The following CD247 variants were observed in gnomAD, a reference collection of about 807,000 sequenced individuals.
CD247 encodes T-cell surface glycoprotein CD3 zeta chain.
A neutral mutation model predicts 30.0 loss-of-function variants in CD247; 13 were observed. The ratio of observed to expected loss-of-function variants is 0.43; its 90% CI spans 0.28 to 0.69. The LOEUF is 0.69. Ranked by LOEUF, CD247 falls within the 30% of genes least tolerant of loss-of-function variation. The pLI is 0.16. For missense variants in CD247, 193 were observed against 212.6 expected, an observed-to-expected ratio of 0.91 and a Z score of 0.57; for synonymous variants, 72 against 80.0, an observed-to-expected ratio of 0.90 and a Z score of 0.53.
At chr1:167,453,593 G>A (rs1293190192) in intron 1 of CD247, among the ~76,000 whole-genome samples, 2 of 152,052 alleles carry the variant, frequency 1.3e-5, no homozygotes, top group African/African-American at 2.4e-5. Flanking sequence ...AAATTTTGGT[G>A]TATTCATATA....
chr1:167,489,112 G>C (rs953253853), intron 1 of CD247, among the ~76,000 whole-genome samples: 1 of 152,108 alleles, frequency 6.6e-6, no homozygotes, highest in Non-Finnish European at 1.5e-5. Flanking sequence ...TAAAAATCCG[G>C]GGCAGGAATT....
chr1:167,495,281 G>A (rs1315967535), intron 1 of CD247, among the ~76,000 whole-genome samples: 1 of 152,178 alleles, frequency 6.6e-6, no homozygotes, highest in Non-Finnish European at 1.5e-5. Flanking sequence ...TCCTGAGGTT[G>A]TTACCTTACA....
intron 1 of CD247, among the ~76,000 whole-genome samples, chr1:167,497,611 G>A (rs922177052): frequency 2.0e-5 from 3 of 152,194 alleles, no homozygotes; most frequent in Admixed American, 6.5e-5. Flanking sequence ...TTTGGAAACA[G>A]TATGAGTTAA....
intron 1 of CD247, among the ~76,000 whole-genome samples, chr1:167,441,721 G>T (rs931363204): frequency 6.6e-6 from 1 of 152,216 alleles, no homozygotes; most frequent in East Asian, 1.9e-4. Flanking sequence ...ATTAACCTTT[G>T]TCAAGCTGTA....
At chr1:167,505,124 ATTTTC>A (rs1571596770) in intron 1 of CD247, among the ~76,000 whole-genome samples, 1 of 151,956 alleles carries the variant, frequency 6.6e-6, no homozygotes, top group East Asian at 1.9e-4. Flanking sequence ...CATAGCTGAC[ATTTTC>A]TTTTCTTTTT....
rs139158742 is a variant in CD247, at chr1:167,479,971, C to A, written c.58+38437G>T. Among the ~76,000 whole-genome samples, 465 of 152,314 alleles carry A rather than the reference C, an allele frequency of 3.1e-3. 3 individuals are homozygous for A. Among genetic ancestry groups the A allele is most frequent in the African/African-American group, 0.01 (434 of 41,566 alleles). Reference sequence around the variant, plus strand: ...TCTCTTTTGCCTCATATGCCCCAGACCAAAACATCTAGCTTGCTGCTGAGA... The same window carrying A: ...TCTCTTTTGCCTCATATGCCCCAGAACAAAACATCTAGCTTGCTGCTGAGA... On this transcript the variant is annotated intron_variant, in intron 1 of 7. Transcript: ENST00000362089.
intron 1 of CD247, among the ~76,000 whole-genome samples, chr1:167,506,278 TTTTCTTTTCTTTTTTCTTTTCTTTTCC>T (rs1655123709): frequency 2.1e-4 from 3 of 14,190 alleles, no homozygotes; most frequent in African/African-American, 1.3e-3. Context: ...TTTCCTTTTC[TTTTCTTTTCTTTTTTCTTTTCTTTTCC>T]TTTCCTTTCT....
At chr1:167,495,357 A>G (rs1654642638) in intron 1 of CD247, among the ~76,000 whole-genome samples, 1 of 152,210 alleles carries the variant, frequency 6.6e-6, no homozygotes, top group African/African-American at 2.4e-5. Context: ...GGACTGGGTA[A>G]ATACTCATAA....
chr1:167,492,576 C>T (rs1282538203), intron 1 of CD247, among the ~76,000 whole-genome samples: 1 of 152,196 alleles, frequency 6.6e-6, no homozygotes, highest in Non-Finnish European at 1.5e-5. Context: ...GGGAATTTTC[C>T]TTTCTGGTCA....
intron 1 of CD247, among the ~76,000 whole-genome samples, chr1:167,485,972 G>C (rs948111306): frequency 6.6e-6 from 1 of 152,082 alleles, no homozygotes; most frequent in African/African-American, 2.4e-5. Context: ...GGAGGGTTAA[G>C]AGTCATTGTG....
chr1:167,455,035 G>T (rs555170676), intron 1 of CD247, among the ~76,000 whole-genome samples: 4 of 152,298 alleles, frequency 2.6e-5, no homozygotes, highest in Non-Finnish European at 4.4e-5. Context: ...CCAGGCCTCC[G>T]CCCCTCGGTG....
intron 1 of CD247, among the ~76,000 whole-genome samples, chr1:167,512,931 T>A (rs1370576889): frequency 6.6e-6 from 1 of 152,226 alleles, no homozygotes; most frequent in African/African-American, 2.4e-5. Context: ...AACATTTTCT[T>A]TCCTTGATGG....
chr1:167,486,398 GA>G (rs1239979354), intron 1 of CD247, among the ~76,000 whole-genome samples: 1 of 152,208 alleles, frequency 6.6e-6, no homozygotes, highest in Non-Finnish European at 1.5e-5. Flanking sequence ...CGAGGGACTG[GA>G]CAATTTCGGA....
intron 1 of CD247, among the ~76,000 whole-genome samples, chr1:167,474,953 A>T (rs1653685077): frequency 6.6e-6 from 1 of 151,614 alleles, no homozygotes; most frequent in Non-Finnish European, 1.5e-5. Flanking sequence ...GGTTTCACCA[A>T]GTTGGCCAGG....
chr1:167,491,503 G>C (rs1262271937), intron 1 of CD247, among the ~76,000 whole-genome samples: 1 of 151,512 alleles, frequency 6.6e-6, no homozygotes, highest in East Asian at 1.9e-4. Flanking sequence ...AGGAAGGGAG[G>C]TTGCAGTGAG....
rs1261388410 is a variant in CD247, at chr1:167,500,467, G to A, written c.58+17941C>T. On this transcript the variant is annotated intron_variant, in intron 1 of 7. Transcript: ENST00000362089. Reference sequence around the variant, plus strand: ...ATATGCCATGCTTTGATTACAACCAGCGCTTCTGGTATGAATTAGAGAGGT... The same window carrying A: ...ATATGCCATGCTTTGATTACAACCAACGCTTCTGGTATGAATTAGAGAGGT... Among the ~76,000 whole-genome samples the A allele has an allele frequency of 3.3e-5, 5 of 152,158 alleles. No individual in the cohort carries two copies. The East Asian group carries it at 9.6e-4, about 29-fold the overall frequency.
At chr1:167,454,727 G>A (rs1177541600) in intron 1 of CD247, among the ~76,000 whole-genome samples, 1 of 152,226 alleles carries the variant, frequency 6.6e-6, no homozygotes, top group Non-Finnish European at 1.5e-5. Flanking sequence ...TGAGATGAAA[G>A]CGCTTTTCCG....
chr1:167,485,763 C>T (rs9645327), intron 1 of CD247, among the ~76,000 whole-genome samples: 15,228 of 152,120 alleles, frequency 0.1, 1,176 homozygotes, highest in Admixed American at 0.24. Context: ...AAATCCAACC[C>T]ACCAAGAATG....
intron 4 of CD247, among the ~76,000 whole-genome samples, 191 bp from the exon 5 acceptor site, chr1:167,435,625 T>TG (rs1651509991): frequency 6.6e-6 from 1 of 152,152 alleles, no homozygotes; most frequent in Non-Finnish European, 1.5e-5. Context: ...GGCTCATACT[T>TG]GGTTACCTGC....
Sources: gnomAD v4.1 joint callset for allele counts (sites outside exome capture counted in the v4.1 genomes callset) on GRCh38, gnomAD v4.1.1 for gene constraint, MANE v1.5 for transcripts, NCBI Gene and HGNC (gene_info 2026-07-23, HGNC 2026-07-21) for gene names.